ITGB6: variants seen among roughly 807,000 people sequenced by gnomAD.
The protein encoded by ITGB6 is integrin beta-6.
ITGB6 carries 80 observed loss-of-function variants against 84.5 expected under a neutral mutation model. The ratio of observed to expected loss-of-function variants is 0.95; its 90% CI spans 0.79 to 1.14. The LOEUF is 1.14. Ranked by LOEUF, ITGB6 falls within the 50% of genes most tolerant of loss-of-function variation. The pLI, the probability that ITGB6 is intolerant of heterozygous loss-of-function variation, is 0.00. For missense variants in ITGB6, 1,006 were observed against 968.0 expected (o/e 1.04, Z -0.52); for synonymous variants, 383 against 354.9 (o/e 1.08, Z -0.89).
intron 12 of ITGB6, among the ~76,000 whole-genome samples, chr2:160,120,804 C>T (rs1485132168): frequency 2.0e-5 from 3 of 146,886 alleles, no homozygotes; most frequent in South Asian, 2.2e-4. Flanking sequence ...AGCAAACTAT[C>T]GCAAGGACAG....
At chr2:160,146,823 A>G (rs1684212765) in intron 7 of ITGB6, among the ~76,000 whole-genome samples, 1 of 152,170 alleles carries the variant, frequency 6.6e-6, no homozygotes, top group South Asian at 2.1e-4. Context: ...AATATAAGGT[A>G]GGCTCAGTGG....
intron 7 of ITGB6, among the ~76,000 whole-genome samples, chr2:160,142,434 C>T (rs1412004383): frequency 6.6e-6 from 1 of 152,212 alleles, no homozygotes; most frequent in Non-Finnish European, 1.5e-5. Flanking sequence ...CACCCAGGAA[C>T]TTCTCTTTTT....
At position 160,200,013 on chromosome 2, in the gene ITGB6, A is replaced by G. The variant is rs1051264204; in HGVS notation, c.51T>C (p.Asp17=). 4 of 1,613,560 alleles carry G rather than the reference A, an allele frequency of 2.5e-6. No homozygotes were observed. Among genetic ancestry groups the G allele is most frequent in the African/African-American group, 1.3e-5 (1 of 75,044 alleles). The change falls in exon 1 of 15, where the codon GAT becomes GAC. Residue 17 remains aspartate (D), a synonymous_variant. Transcript: ENST00000283249. ...GAACGCAGGTCTTACCTTGTACGTG[A>G]TCATTCCTTCCTAGAAATAGAAAGA... ...CLFFLFLGRN[D]HVQGGCALGG... is the part of the protein sequence containing the mutation.
chr2:160,144,597 G>C (rs190570288), intron 7 of ITGB6, among the ~76,000 whole-genome samples: 81 of 152,286 alleles, frequency 5.3e-4, no homozygotes, highest in Admixed American at 2.1e-3. Context: ...CTTAGGAAAA[G>C]GATTTCAAGG....
intron 7 of ITGB6, among the ~76,000 whole-genome samples, chr2:160,150,262 G>T (rs1398756142): frequency 6.6e-6 from 1 of 152,172 alleles, no homozygotes; most frequent in Non-Finnish European, 1.5e-5. Flanking sequence ...AGATCTCTCG[G>T]CAGAAACCCT....
At chr2:160,104,876 A>T (rs1696849668) in intron 14 of ITGB6, among the ~76,000 whole-genome samples, 1 of 152,214 alleles carries the variant, frequency 6.6e-6, no homozygotes, top group Non-Finnish European at 1.5e-5. Context: ...AGGAGGTAGG[A>T]GTGAAGACCT....
rs776182333 is a variant in ITGB6 at position 160,195,487 on chromosome 2, G to A, written c.475C>T (p.Leu159Phe). Residue 159 changes from leucine to phenylalanine, a missense_variant, in exon 4 of 15, where the codon CTT becomes TTT. Leu to Phe is a conservative substitution (Grantham distance 22, BLOSUM62 0). Coordinates refer to ENST00000283249, the MANE Select transcript of ITGB6 (RefSeq NM_000888.5). The stretch of plus-strand genomic sequence containing the variant: ...GTTAATTTAGACATCTCTTTGGAAA[G>A]CCGGGAGCCCAGCTCCTTTATTGTG... ...LNTIKELGSR[L>F]SKEMSKLTSN... 1.2e-6 allele frequency: 2 copies of A among 1,614,190 alleles called. No homozygotes were observed. The highest frequency in any genetic ancestry group is 4.5e-5 in the East Asian group (2 of 44,888).
At chr2:160,169,544 G>T (rs1685129102) in intron 6 of ITGB6, among the ~76,000 whole-genome samples, 1 of 152,018 alleles carries the variant, frequency 6.6e-6, no homozygotes, top group African/African-American at 2.4e-5. Context: ...CTGTTGATGT[G>T]GTGTATCATG....
At chr2:160,183,416 G>C (rs1292593781) in intron 4 of ITGB6, among the ~76,000 whole-genome samples, 1 of 152,084 alleles carries the variant, frequency 6.6e-6, no homozygotes, top group Non-Finnish European at 1.5e-5. Flanking sequence ...ATGGTAAAGG[G>C]ATCAACACAA....
chr2:160,119,206 A>G (rs972977254), intron 12 of ITGB6, among the ~76,000 whole-genome samples: 2 of 152,228 alleles, frequency 1.3e-5, no homozygotes, highest in African/African-American at 4.8e-5. Context: ...CCGCGTCACC[A>G]AGTCAATCCT....
At chr2:160,176,001 C>T (rs6736169) in intron 4 of ITGB6, among the ~76,000 whole-genome samples, 4,173 of 152,200 alleles carry the variant, frequency 0.027, 157 homozygotes, top group African/African-American at 0.089. Context: ...ATGCTCTCAC[C>T]GGGACCAGAA....
In ITGB6 at chr2:160,174,141, T is replaced by G; in HGVS notation, c.594-2A>C. The stretch of plus-strand genomic sequence containing the variant: ...GGTAAACAGAAGTATGGAATACTAC[T>G]GCAAAAGTAAGATGCAAAAATACTG... On this transcript the variant is annotated splice_acceptor_variant, in intron 4 of 14. Coordinates refer to ENST00000283249, the MANE Select transcript of ITGB6 (RefSeq NM_000888.5). LOFTEE classifies it high-confidence loss of function. 1 of 1,593,628 alleles carries G rather than the reference T, an allele frequency of 6.3e-7. No homozygotes were observed. The highest frequency in any genetic ancestry group is 1.1e-5 in the South Asian group (1 of 87,676).
intron 7 of ITGB6, 94 bp downstream of exon 7, chr2:160,169,118 A>C: frequency 1.4e-6 from 1 of 713,518 alleles, no homozygotes; most frequent in Non-Finnish European, 2.4e-6. Context: ...TGATTATCTA[A>C]TGGCCTTCCC....
chr2:160,181,762 C>G (rs112547175), intron 4 of ITGB6, among the ~76,000 whole-genome samples: 2 of 152,310 alleles, frequency 1.3e-5, no homozygotes, highest in Non-Finnish European at 2.9e-5. Context: ...CTGGCGGGTG[C>G]CCCTCTGGGC....
At chr2:160,133,632 CA>C (rs200563046) in intron 10 of ITGB6, among the ~76,000 whole-genome samples, 23,410 of 152,054 alleles carry the variant, frequency 0.15, 2,412 homozygotes, top group Non-Finnish European at 0.24. Flanking sequence ...ACACCTATTC[CA>C]AAATTGACCA....
intron 12 of ITGB6, among the ~76,000 whole-genome samples, chr2:160,123,477 T>A (rs1459111876): frequency 6.6e-6 from 1 of 152,198 alleles, no homozygotes; most frequent in Non-Finnish European, 1.5e-5. Flanking sequence ...ATTTCTTCAA[T>A]TTTTCTCCAT....
chr2:160,196,468 GA>G, intron 2 of ITGB6, 48 bp from the exon 3 acceptor site: 1 of 1,490,072 alleles, frequency 6.7e-7, no homozygotes, highest in South Asian at 1.2e-5. Context: ...AAACAAATCT[GA>G]ATTTCTTTAT....
chr2:160,180,392 C>T (rs778585153), intron 4 of ITGB6, among the ~76,000 whole-genome samples: 3 of 152,186 alleles, frequency 2.0e-5, no homozygotes, highest in Non-Finnish European at 4.4e-5. Context: ...AGCAATCCTC[C>T]AGCTCTGGGA....
In ITGB6 at chr2:160,199,231, G is replaced by T. The variant is rs933060964; in HGVS notation, c.89C>A (p.Thr30Asn). 1.9e-6 allele frequency: 3 copies of T among 1,613,932 alleles called. No individual in the cohort carries two copies. The highest frequency in any genetic ancestry group is 2.7e-5 in the African/African-American group (2 of 74,894). Reference protein sequence around the residue: ...QGGCALGGAETCEDCLLIGPQ... With the variant: ...QGGCALGGAENCEDCLLIGPQ... ...TCCAATAAGCAGGCAGTCTTCACAG[G>T]TTTCTGCACCTCCCAGGGCACAGCC... The change falls in exon 2 of 15, where the codon ACC becomes AAC. Residue 30 changes from threonine (T) to asparagine (N), a missense_variant. Coordinates refer to ENST00000283249, the MANE Select transcript of ITGB6 (RefSeq NM_000888.5).
Sources: gnomAD v4.1 joint callset for allele counts (sites outside exome capture counted in the v4.1 genomes callset) on GRCh38, gnomAD v4.1.1 for gene constraint, MANE v1.5 for transcripts, NCBI Gene and HGNC (gene_info 2026-07-23, HGNC 2026-07-21) for gene names.